Variants in RALYL observed in about 807,000 individuals in gnomAD.
RALYL encodes the protein RALY RNA binding protein like.
Under a neutral mutation model 35.1 loss-of-function variants are expected in RALYL, and 29 were observed. That is an observed-to-expected ratio of 0.83 (90% CI 0.61 to 1.13). RALYL has a LOEUF of 1.13. Ranked by LOEUF, RALYL falls within the 50% of genes most tolerant of loss-of-function variation. The pLI is 0.00. For missense variants in RALYL, 359 were observed against 360.4 expected, an observed-to-expected ratio of 1.00 and a Z score of 0.03; for synonymous variants, 120 against 127.6, an observed-to-expected ratio of 0.94 and a Z score of 0.40.
chr8:84,367,351 T>A lies in RALYL; in HGVS notation c.-23-161948T>A, dbSNP rs1387642864. Among the ~76,000 whole-genome samples, 28 of 94,166 alleles carry A rather than the reference T, an allele frequency of 3.0e-4. 2 individuals carry two copies. The highest frequency in any genetic ancestry group is 1.0e-3 in the African/African-American group (19 of 18,978). 61.8% of individuals were successfully genotyped at this position (94,166 alleles called of 152,430 possible). On this transcript the variant is annotated intron_variant, in intron 1 of 8. Coordinates refer to ENST00000521268, the MANE Select transcript of RALYL (RefSeq NM_173848.7). ...TTTTTTTTTTTTTTTTTTTTTTTTT[T>A]TTTTTTTTTTTTTTTTTTAGTAGAG... is the stretch of plus-strand genomic sequence containing the variant.
intron 1 of RALYL, among the ~76,000 whole-genome samples, chr8:84,298,551 C>G (rs1840193250): frequency 6.6e-6 from 1 of 151,800 alleles, no homozygotes; most frequent in Non-Finnish European, 1.5e-5. Flanking sequence ...CTTTTTTGGT[C>G]TCACATGCAT....
At chr8:84,293,493 T>C (rs1359467929) in intron 1 of RALYL, among the ~76,000 whole-genome samples, 2 of 151,846 alleles carry the variant, frequency 1.3e-5, no homozygotes, top group African/African-American at 4.8e-5. Context: ...CCTCTTGGCC[T>C]GATTTCACAT....
intron 3 of RALYL, among the ~76,000 whole-genome samples, chr8:84,787,379 G>A (rs2133807444): frequency 6.6e-6 from 1 of 152,246 alleles, no homozygotes; most frequent in East Asian, 1.9e-4. Flanking sequence ...TTGTGTATAT[G>A]TGCCACATTA....
chr8:84,718,616 T>G (rs1843325374), intron 2 of RALYL, among the ~76,000 whole-genome samples: 1 of 151,526 alleles, frequency 6.6e-6, no homozygotes, highest in African/African-American at 2.4e-5. Context: ...ATACAGAAAA[T>G]TAGCTGGGCG....
At chr8:84,635,895 G>A (rs546267883) in intron 2 of RALYL, among the ~76,000 whole-genome samples, 10 of 151,792 alleles carry the variant, frequency 6.6e-5, no homozygotes, top group South Asian at 2.1e-4. Context: ...CACAATATGT[G>A]AACTTACAGT....
chr8:84,383,101 A>G (rs1042944828), intron 1 of RALYL, among the ~76,000 whole-genome samples: 1 of 151,796 alleles, frequency 6.6e-6, no homozygotes, highest in Non-Finnish European at 1.5e-5. Flanking sequence ...ATAGTTATTC[A>G]CTAAAACGAT....
At chr8:84,735,841 A>AGAGAGAGAGAGAAC (rs1180314583) in intron 2 of RALYL, among the ~76,000 whole-genome samples, 7 of 150,412 alleles carry the variant, frequency 4.7e-5, no homozygotes, top group African/African-American at 1.7e-4. Flanking sequence ...AGAGAGAGAG[A>AGAGAGAGAGAGAAC]GAGAGAGAAC....
At chr8:84,258,941 G>A (rs968176634) in intron 1 of RALYL, among the ~76,000 whole-genome samples, 2 of 152,002 alleles carry the variant, frequency 1.3e-5, no homozygotes, top group Admixed American at 1.3e-4. Flanking sequence ...TATTGTTTTA[G>A]GACTTACCAT....
intron 2 of RALYL, among the ~76,000 whole-genome samples, chr8:84,656,384 G>A (rs1262487617): frequency 6.6e-6 from 1 of 152,058 alleles, no homozygotes; most frequent in Non-Finnish European, 1.5e-5. Context: ...ATAGGAATAT[G>A]ACCAGACTCA....
chr8:84,200,562 A>C (rs1816604994), intron 1 of RALYL, among the ~76,000 whole-genome samples: 1 of 152,150 alleles, frequency 6.6e-6, no homozygotes, highest in Non-Finnish European at 1.5e-5. Context: ...AGTATCTTAA[A>C]ATAATTTTAA....
intron 2 of RALYL, among the ~76,000 whole-genome samples, chr8:84,582,719 C>G (rs1199497562): frequency 6.6e-6 from 1 of 151,924 alleles, no homozygotes; most frequent in Non-Finnish European, 1.5e-5. Context: ...GATCTAGTAT[C>G]TCTCCATTGC....
intron 1 of RALYL, among the ~76,000 whole-genome samples, chr8:84,459,467 T>G (rs2050501805): frequency 6.6e-6 from 1 of 151,612 alleles, no homozygotes. Context: ...GGCAACTGGG[T>G]TTAAATCATT....
intron 1 of RALYL, among the ~76,000 whole-genome samples, chr8:84,260,286 A>G (rs1832009366): frequency 6.6e-6 from 1 of 152,182 alleles, no homozygotes; most frequent in Non-Finnish European, 1.5e-5. Context: ...TTAGTGGCTT[A>G]ACACACTGGC....
At chr8:84,316,024 A>C (rs1843688703) in intron 1 of RALYL, among the ~76,000 whole-genome samples, 2 of 152,146 alleles carry the variant, frequency 1.3e-5, no homozygotes. Flanking sequence ...ACACTTTGTA[A>C]AATTATCTTT....
At chr8:84,297,172 C>T (rs1400946605) in intron 1 of RALYL, among the ~76,000 whole-genome samples, 1 of 151,874 alleles carries the variant, frequency 6.6e-6, no homozygotes, top group Admixed American at 6.6e-5. Flanking sequence ...GAGCATAGTA[C>T]CTGATAGGTA....
chr8:84,691,356 C>G (rs1838015116), intron 2 of RALYL, among the ~76,000 whole-genome samples: 1 of 152,008 alleles, frequency 6.6e-6, no homozygotes, highest in African/African-American at 2.4e-5. Context: ...CTAGGGCACT[C>G]TGGCCATCTC....
At chr8:84,363,385 T>G (rs1003372183) in intron 1 of RALYL, among the ~76,000 whole-genome samples, 5 of 152,166 alleles carry the variant, frequency 3.3e-5, no homozygotes, top group Non-Finnish European at 2.9e-5. Context: ...TTTGGCTGCT[T>G]TGTCACACCA....
intron 1 of RALYL, among the ~76,000 whole-genome samples, chr8:84,443,442 T>C (rs2048536806): frequency 1.3e-5 from 2 of 152,292 alleles, no homozygotes; most frequent in African/African-American, 4.8e-5. Context: ...AAAATGTCCA[T>C]CTAATTTATC....
At chr8:84,450,645 C>T (rs1344882270) in intron 1 of RALYL, among the ~76,000 whole-genome samples, 2 of 151,696 alleles carry the variant, frequency 1.3e-5, no homozygotes, top group Admixed American at 6.6e-5. Flanking sequence ...TTTTTGAAGA[C>T]CTATAAAAGA....
Sources: allele counts gnomAD v4.1 joint callset (sites outside exome capture counted in the v4.1 genomes callset), GRCh38; gene constraint gnomAD v4.1.1; transcripts MANE v1.5; gene names NCBI Gene and HGNC (gene_info 2026-07-23, HGNC 2026-07-21).